Variants in DPY30 observed in about 807,000 individuals in gnomAD.
DPY30 encodes the protein dpy-30 histone methyltransferase complex regulatory subunit.
In DPY30, 6 loss-of-function variants were observed where a neutral mutation model predicts 16.2. That is an observed-to-expected ratio of 0.37 (90% CI 0.20 to 0.73). The LOEUF (loss-of-function observed/expected upper bound fraction) is 0.73. Ranked by LOEUF, DPY30 falls within the 30% of genes least tolerant of loss-of-function variation. The pLI is 0.51. For synonymous variants in DPY30, 39 were observed against 38.8 expected (o/e 1.00, Z -0.02); for missense variants, 73 against 113.1 (o/e 0.65, Z 1.61).
chr2:32,039,362 C>T (rs770977458), intron 2 of DPY30, 36 bp from the exon 3 acceptor site: 1 of 1,614,100 alleles, frequency 6.2e-7, no homozygotes, highest in East Asian at 2.2e-5. Context: ...AGATATAAGT[C>T]CCCCCTTTCT....
intron 3 of DPY30, among the ~76,000 whole-genome samples, chr2:32,036,627 C>T (rs1192425653): frequency 2.7e-5 from 4 of 149,106 alleles, no homozygotes; most frequent in Admixed American, 6.7e-5. Flanking sequence ...GCCAAGATCA[C>T]GCCACTGCAC....
chr2:32,016,365 C>T (rs1271963763), intron 5 of DPY30, among the ~76,000 whole-genome samples: 1 of 152,148 alleles, frequency 6.6e-6, no homozygotes, highest in African/African-American at 2.4e-5. Context: ...TCACCAGTTT[C>T]ATCTTTTGTG....
downstream of DPY30, among the ~76,000 whole-genome samples, chr2:32,019,839 T>A (rs867005841): frequency 3.7e-4 from 50 of 133,396 alleles, no homozygotes; most frequent in East Asian, 1.5e-3. Flanking sequence ...AAAAAAAATA[T>A]ATATATATAT....
intron 3 of DPY30, among the ~76,000 whole-genome samples, chr2:32,035,656 A>G (rs1292606936): frequency 1.3e-5 from 2 of 148,562 alleles, no homozygotes; most frequent in East Asian, 4.0e-4. Flanking sequence ...TAAGTAGGCC[A>G]GGTGCAGTGG....
chr2:32,025,741 C>CA (rs775183151), intron 4 of DPY30, among the ~76,000 whole-genome samples: 2 of 140,558 alleles, frequency 1.4e-5, no homozygotes, highest in Non-Finnish European at 3.0e-5. Flanking sequence ...CAGCCTGCCG[C>CA]AACAGAACAA....
At chr2:32,032,672 C>A (rs1675584417) in intron 3 of DPY30, among the ~76,000 whole-genome samples, 2 of 152,178 alleles carry the variant, frequency 1.3e-5, no homozygotes, top group African/African-American at 4.8e-5. Context: ...CCAGCTTGAG[C>A]AACATAGTGA....
intron 5 of DPY30, among the ~76,000 whole-genome samples, chr2:32,012,419 CTTTTTTTTTTT>C (rs397984233): frequency 0.01 from 857 of 81,688 alleles, 7 homozygotes; most frequent in Non-Finnish European, 0.016. Flanking sequence ...TCTCTTTTTT[CTTTTTTTTTTT>C]TTTTTTTTTT....
At position 32,024,248 on chromosome 2, in the gene DPY30, T is replaced by C. The variant is rs571005704; in HGVS notation, c.236A>G (p.Asn79Ser). ...LAVLAKERPP[N>S]PIEFLASYLL... The stretch of plus-strand genomic sequence containing the variant: ...ATAAGATGCTAGAAATTCAATGGGA[T>C]TTGGTGGTCTGTAAGGGAAAAGAAA... The change falls in exon 5 of 5, where the codon AAT becomes AGT. Residue 79 changes from asparagine to serine, a missense_variant. Coordinates refer to ENST00000342166, the MANE Select transcript of DPY30 (RefSeq NM_001321209.2). 3.1e-6 allele frequency: 5 copies of C among 1,610,734 alleles called. No individual in the cohort carries two copies. Among genetic ancestry groups the C allele is most frequent in the Non-Finnish European group, 3.4e-6 (4 of 1,177,668 alleles).
intron 3 of DPY30, among the ~76,000 whole-genome samples, chr2:32,036,170 G>T (rs1419983115): frequency 1.3e-5 from 2 of 151,348 alleles, no homozygotes; most frequent in South Asian, 4.2e-4. Context: ...TTTAGATGGG[G>T]TCTCACTATG....
chr2:32,015,849 T>TAAA (rs751298889), intron 5 of DPY30, among the ~76,000 whole-genome samples: 33 of 119,736 alleles, frequency 2.8e-4, no homozygotes, highest in African/African-American at 9.6e-4. Context: ...AGACCCTGTC[T>TAAA]AAAAAAAAAA....
intron 3 of DPY30, among the ~76,000 whole-genome samples, chr2:32,032,403 C>CT (rs1353752895): frequency 3.3e-5 from 5 of 152,178 alleles, no homozygotes; most frequent in Non-Finnish European, 7.3e-5. Flanking sequence ...TTTCTGAAAA[C>CT]TGACAGTATC....
At chr2:32,028,595 G>A (rs191977500) in intron 4 of DPY30, among the ~76,000 whole-genome samples, 4 of 152,254 alleles carry the variant, frequency 2.6e-5, no homozygotes, top group African/African-American at 9.6e-5. Context: ...AAGGTCAAGA[G>A]ATCGAGATCA....
At chr2:32,017,338 TG>T (rs1435817422) in intron 5 of DPY30, among the ~76,000 whole-genome samples, 10 of 151,936 alleles carry the variant, frequency 6.6e-5, no homozygotes, top group Admixed American at 6.6e-4. Context: ...AACTCTCAGC[TG>T]GGGGTGGTGG....
At chr2:32,017,269 C>G (rs1675083552) in intron 5 of DPY30, among the ~76,000 whole-genome samples, 2 of 152,172 alleles carry the variant, frequency 1.3e-5, no homozygotes, top group South Asian at 4.1e-4. Flanking sequence ...GTAAAATACA[C>G]TGAATAATGC....
At chr2:32,025,174 A>C (rs1483799719) in intron 4 of DPY30, among the ~76,000 whole-genome samples, 1 of 152,200 alleles carries the variant, frequency 6.6e-6, no homozygotes, top group African/African-American at 2.4e-5. Context: ...TACTTAAAAA[A>C]TGTATTTGGG....
chr2:32,018,319 C>G lies in DPY30; in HGVS notation n.377+5103G>C, dbSNP rs151180310. 1.8e-3 allele frequency among the ~76,000 whole-genome samples: 278 copies of G among 152,206 alleles called. 2 individuals carry two copies. The highest frequency in any genetic ancestry group is 6.5e-3 in the African/African-American group (269 of 41,520). ...AAACTGAAATTTTTAGACCATGCAT[C>G]ATAGGTGTGCTTTGTGGAAGAAGGA... On this transcript the variant is annotated intron_variant and non_coding_transcript_variant, in intron 5 of 5. Transcript: ENST00000414013.
chr2:32,020,059 G>T (rs1230286435), downstream of DPY30, among the ~76,000 whole-genome samples: 1 of 149,960 alleles, frequency 6.7e-6, no homozygotes, highest in Admixed American at 6.7e-5. Flanking sequence ...ATCTATAAAT[G>T]AAGTGTTAAA....
chr2:32,025,650 T>A (rs1675304539), intron 4 of DPY30, among the ~76,000 whole-genome samples: 1 of 151,324 alleles, frequency 6.6e-6, no homozygotes, highest in Non-Finnish European at 1.5e-5. Flanking sequence ...TAGTCCCAGC[T>A]ACTCAGGAGG....
chr2:32,014,570 G>A (rs957463431), intron 5 of DPY30, among the ~76,000 whole-genome samples: 3 of 150,804 alleles, frequency 2.0e-5, no homozygotes, highest in African/African-American at 7.3e-5. Flanking sequence ...TGCAAGCTCC[G>A]CCTCCCGGGT....
Sources: gnomAD v4.1 joint callset for allele counts (sites outside exome capture counted in the v4.1 genomes callset) on GRCh38, gnomAD v4.1.1 for gene constraint, MANE v1.5 for transcripts, NCBI Gene and HGNC (gene_info 2026-07-23, HGNC 2026-07-21) for gene names.